Variants in LRBA observed in about 807,000 individuals in gnomAD.
LRBA encodes the protein lipopolysaccharide-responsive and beige-like anchor protein.
In LRBA, 176 loss-of-function variants were observed where a neutral mutation model predicts 330.0. The ratio of observed to expected loss-of-function variants is 0.53; its 90% confidence interval spans 0.47 to 0.60. LRBA has a LOEUF of 0.60. LRBA is among the 20% of genes least tolerant of loss of function. The pLI is 0.00. For missense variants in LRBA, 3,259 were observed against 3,444.8 expected, an observed-to-expected ratio of 0.95 and a Z score of 1.35; for synonymous variants, 1,230 against 1,193.0, an observed-to-expected ratio of 1.03 and a Z score of -0.64.
chr4:150,444,341 A>C (rs1380981004), intron 44 of LRBA, among the ~76,000 whole-genome samples: 1 of 152,014 alleles, frequency 6.6e-6, no homozygotes, highest in Non-Finnish European at 1.5e-5. Flanking sequence ...TGTCTCCATC[A>C]CCTGCCTTCC....
intron 46 of LRBA, among the ~76,000 whole-genome samples, chr4:150,417,036 T>C (rs1395157829): frequency 6.6e-6 from 1 of 152,140 alleles, no homozygotes; most frequent in African/African-American, 2.4e-5. Context: ...GCCTGTGTCC[T>C]CAGTCATCAA....
At chr4:150,385,109 C>T (rs1036941311) in intron 47 of LRBA, among the ~76,000 whole-genome samples, 5 of 152,054 alleles carry the variant, frequency 3.3e-5, no homozygotes, top group Non-Finnish European at 7.4e-5. Flanking sequence ...ATAACTCAAA[C>T]TGTGTATTCG....
chr4:150,860,616 A>T (rs755378242), intron 22 of LRBA, among the ~76,000 whole-genome samples: 1 of 152,098 alleles, frequency 6.6e-6, no homozygotes, highest in African/African-American at 2.4e-5. Flanking sequence ...TCACGAGGTC[A>T]GGAGATCGAG....
chr4:150,448,827 G>C (rs930744291), intron 44 of LRBA, among the ~76,000 whole-genome samples: 2 of 128,264 alleles, frequency 1.6e-5, no homozygotes, highest in African/African-American at 3.0e-5. Context: ...AAAAAAGGGG[G>C]GGGGGGTGGG....
intron 47 of LRBA, among the ~76,000 whole-genome samples, chr4:150,384,679 T>C (rs1417184076): frequency 2.0e-5 from 3 of 152,112 alleles, no homozygotes; most frequent in Non-Finnish European, 4.4e-5. Context: ...TAAAACAATA[T>C]ATATTTTGGT....
chr4:150,385,519 A>C (rs1742930632), intron 47 of LRBA, among the ~76,000 whole-genome samples: 1 of 152,168 alleles, frequency 6.6e-6, no homozygotes, highest in Non-Finnish European at 1.5e-5. Flanking sequence ...GAGATTAAAG[A>C]GAGTAAGAGA....
intron 2 of LRBA, among the ~76,000 whole-genome samples, chr4:150,945,007 T>C (rs1306856522): frequency 6.6e-6 from 1 of 152,184 alleles, no homozygotes; most frequent in Non-Finnish European, 1.5e-5. Flanking sequence ...CTGTGGGGCC[T>C]CCCCAGCAAT....
At chr4:150,630,648 C>G (rs1297998465) in intron 37 of LRBA, among the ~76,000 whole-genome samples, 2 of 152,000 alleles carry the variant, frequency 1.3e-5, no homozygotes, top group Admixed American at 1.3e-4. Flanking sequence ...CAGAAATTAC[C>G]TAATAATGGT....
At chr4:150,692,987 A>C (rs976339896) in intron 36 of LRBA, among the ~76,000 whole-genome samples, 1 of 152,240 alleles carries the variant, frequency 6.6e-6, no homozygotes, top group Non-Finnish European at 1.5e-5. Context: ...TGCATTATTC[A>C]TAATAGCTAA....
intron 37 of LRBA, among the ~76,000 whole-genome samples, chr4:150,628,688 T>C (rs865835070): frequency 8.5e-5 from 13 of 152,150 alleles, no homozygotes; most frequent in Middle Eastern, 3.2e-3. Context: ...GAAAGAAGTA[T>C]CTCTGAACCA....
chr4:150,395,135 T>C (rs1035114536), intron 47 of LRBA, among the ~76,000 whole-genome samples: 1 of 152,130 alleles, frequency 6.6e-6, no homozygotes, highest in Non-Finnish European at 1.5e-5. Context: ...ATATTATCTA[T>C]TACTAAAGAA....
chr4:150,472,954 T>C (rs150274239), intron 42 of LRBA, among the ~76,000 whole-genome samples: 2 of 152,142 alleles, frequency 1.3e-5, no homozygotes, highest in Non-Finnish European at 2.9e-5. Context: ...CATGTATATA[T>C]CTTTATATGA....
chr4:150,994,064 CAAAAA>C (rs538401022), intron 2 of LRBA, among the ~76,000 whole-genome samples: 11 of 82,296 alleles, frequency 1.3e-4, no homozygotes, highest in Non-Finnish European at 5.8e-5. Flanking sequence ...GACTCTGTCT[CAAAAA>C]AAAAAAAAAA....
intron 51 of LRBA, among the ~76,000 whole-genome samples, chr4:150,312,596 A>G (rs1055120717): frequency 4.6e-5 from 7 of 152,326 alleles, no homozygotes; most frequent in East Asian, 1.9e-4. Context: ...AAGTGAATGT[A>G]TAAGTATCAA....
intron 47 of LRBA, among the ~76,000 whole-genome samples, chr4:150,373,168 T>TGAGA (rs1367151216): frequency 1.2e-4 from 13 of 111,454 alleles, no homozygotes; most frequent in African/African-American, 3.8e-4. Flanking sequence ...TGTGTGTGTG[T>TGAGA]GTGTGAGAGA....
intron 47 of LRBA, among the ~76,000 whole-genome samples, chr4:150,400,544 A>G (rs985584220): frequency 6.6e-6 from 1 of 152,214 alleles, no homozygotes; most frequent in East Asian, 1.9e-4. Flanking sequence ...AGGATATCAT[A>G]AAAAGACGGT....
chr4:150,370,440 G>T (rs964255557), intron 47 of LRBA, among the ~76,000 whole-genome samples: 11 of 152,070 alleles, frequency 7.2e-5, no homozygotes, highest in African/African-American at 2.7e-4. Context: ...ATCTGAAAAG[G>T]TTACATACTA....
Position 150,956,150 on chromosome 4 carries a change from G to C in LRBA, c.217-27085C>G, listed in dbSNP as rs187708153. ...GATTTTTAGTTAGACTAACCAAGAA[G>C]AAAAGAGAAGACTCAAATTACTAAA... On this transcript the variant is annotated intron_variant, in intron 2 of 56. Transcript: ENST00000651943. 3.0e-3 allele frequency among the ~76,000 whole-genome samples: 447 copies of C among 148,872 alleles called. 10 individuals are homozygous for C. Among genetic ancestry groups the C allele is most frequent in the Non-Finnish European group, 5.3e-3 (361 of 67,966 alleles).
intron 37 of LRBA, among the ~76,000 whole-genome samples, chr4:150,641,222 T>G (rs955738147): frequency 7.2e-5 from 11 of 152,190 alleles, no homozygotes; most frequent in Non-Finnish European, 1.2e-4. Context: ...ATGCTTAACA[T>G]TCCCATGAAT....
Sources: allele counts gnomAD v4.1 joint callset (sites outside exome capture counted in the v4.1 genomes callset), GRCh38; gene constraint gnomAD v4.1.1; transcripts MANE v1.5; gene names NCBI Gene and HGNC (gene_info 2026-07-23, HGNC 2026-07-21).